MAP4K4: variants seen among roughly 807,000 people sequenced by gnomAD.
MAP4K4 encodes HPK/GCK-like kinase HGK.
Under a neutral mutation model 189.6 loss-of-function variants are expected in MAP4K4, and 38 were observed. The observed-to-expected ratio is 0.20, with a 90% CI of 0.15 to 0.26. The LOEUF (loss-of-function observed/expected upper bound fraction) is 0.26. Among genes scored for constraint, MAP4K4 ranks in the 10% least tolerant of loss-of-function variants. The pLI is 1.00. For synonymous variants in MAP4K4, 610 were observed against 624.3 expected, an observed-to-expected ratio of 0.98 and a Z score of 0.34; for missense variants, 1,054 against 1,726.9, an observed-to-expected ratio of 0.61 and a Z score of 6.91.
At chr2:101,863,488 A>G (rs906660873) in intron 16 of MAP4K4, among the ~76,000 whole-genome samples, 1 of 152,142 alleles carries the variant, frequency 6.6e-6, no homozygotes, top group African/African-American at 2.4e-5. Context: ...ATGGATGTGC[A>G]TGCAACACAT....
At chr2:101,855,925 T>C in intron 12 of MAP4K4, 52 bp from the exon 13 acceptor site, 1 of 1,517,864 alleles carries the variant, frequency 6.6e-7, no homozygotes, top group Non-Finnish European at 8.9e-7. Context: ...TATAACATCA[T>C]GAGAAAGATG....
intron 2 of MAP4K4, among the ~76,000 whole-genome samples, chr2:101,713,165 C>T (rs2046537490): frequency 1.3e-5 from 2 of 151,966 alleles, no homozygotes; most frequent in Non-Finnish European, 2.9e-5. Flanking sequence ...TCCTCGGCCT[C>T]CCAAAGTGCT....
chr2:101,884,686 G>GACC (rs2098456547), intron 28 of MAP4K4, among the ~76,000 whole-genome samples: 1 of 152,180 alleles, frequency 6.6e-6, no homozygotes, highest in African/African-American at 2.4e-5. Flanking sequence ...TGGTCTTAGT[G>GACC]ATACTTGGAC....
chr2:101,790,834 C>A, intron 3 of MAP4K4, 58 bp downstream of exon 3: 1 of 1,360,460 alleles, frequency 7.4e-7, no homozygotes, highest in Non-Finnish European at 1.0e-6. Context: ...AAGATTCCCC[C>A]AACAACACAG....
At chr2:101,728,943 A>G (rs1056279607) in intron 2 of MAP4K4, among the ~76,000 whole-genome samples, 7 of 152,238 alleles carry the variant, frequency 4.6e-5, no homozygotes, top group Admixed American at 2.0e-4. Flanking sequence ...AATAAAATCA[A>G]TCTGTTGACA....
intron 2 of MAP4K4, among the ~76,000 whole-genome samples, chr2:101,788,976 A>G (rs1246572046): frequency 6.6e-6 from 1 of 152,190 alleles, no homozygotes; most frequent in African/African-American, 2.4e-5. Flanking sequence ...ACCCTATCAG[A>G]TACTCAGAAG....
At chr2:101,892,031 A>G (rs1559367094) in exon 33 of MAP4K4, 2 of 152,276 alleles carry the variant, frequency 1.3e-5, no homozygotes, top group South Asian at 2.1e-4. Context: ...AAAAAAAAGA[A>G]AAAGAAAACG....
chr2:101,876,001 C>T (rs77629542), intron 26 of MAP4K4, among the ~76,000 whole-genome samples: 5,194 of 152,232 alleles, frequency 0.034, 297 homozygotes, highest in African/African-American at 0.11. Flanking sequence ...GGTCTCTATC[C>T]GTCACTTAAA....
chr2:101,836,382 C>G (rs1377955997), intron 9 of MAP4K4, among the ~76,000 whole-genome samples: 1 of 152,104 alleles, frequency 6.6e-6, no homozygotes, highest in Admixed American at 6.5e-5. Context: ...GTCAGGAGTT[C>G]AAGACCAGCC....
intron 12 of MAP4K4, 95 bp from the exon 13 acceptor site, chr2:101,855,882 T>C (rs1213322192): frequency 1.2e-5 from 15 of 1,239,994 alleles, no homozygotes; most frequent in Non-Finnish European, 1.5e-5. Context: ...CTCACCTCAT[T>C]AGTGTCCACC....
intron 3 of MAP4K4, among the ~76,000 whole-genome samples, chr2:101,810,784 G>T (rs536141103): frequency 6.6e-6 from 1 of 152,168 alleles, no homozygotes; most frequent in South Asian, 2.1e-4. Flanking sequence ...CCCATTCTGT[G>T]TCTATTTTTA....
At chr2:101,867,830 C>CT (rs755074586) in intron 20 of MAP4K4, 199 bp from the exon 21 acceptor site, 1 of 567,056 alleles carries the variant, frequency 1.8e-6, no homozygotes, top group Non-Finnish European at 3.1e-6. Context: ...TCACCCTTCT[C>CT]TTTTAATCCC....
chr2:101,871,704 C>G lies in MAP4K4; in HGVS notation c.2952+19C>G. The G allele has an allele frequency of 6.5e-7, 1 of 1,532,852 alleles. No homozygotes were observed. Among genetic ancestry groups the G allele is most frequent in the Non-Finnish European group, 8.7e-7 (1 of 1,144,360 alleles). 95.0% of individuals were successfully genotyped at this position (1,532,852 alleles called of 1,614,324 possible). ...TAATGAGGTATGTCTCGCACCACAG[C>G]TGGCTGCTTTCCTGGGGTTAGACCA... On this transcript the variant is annotated intron_variant, in intron 24 of 32. Transcript: ENST00000324219.
In MAP4K4 at chr2:101,863,694, A is replaced by T; in HGVS notation, c.1867-127A>T. 5.9e-6 allele frequency: 3 copies of T among 510,506 alleles called. 1 individual carries two copies. The highest frequency in any genetic ancestry group is 4.8e-5 in the South Asian group (3 of 62,236). The allele number at this position is 510,506 out of a possible 1,614,324, so 31.6% of individuals were successfully genotyped here. On this transcript the variant is annotated intron_variant, in intron 16 of 32. Coordinates refer to ENST00000324219, the Ensembl canonical transcript of MAP4K4. ...GTGTAACTGTTTCACTGCGTGGCTG[A>T]CCTAACACTGTACCACCCCGGTGTG...
intron 2 of MAP4K4, among the ~76,000 whole-genome samples, chr2:101,785,198 C>T (rs1039021258): frequency 1.3e-5 from 2 of 152,138 alleles, no homozygotes; most frequent in African/African-American, 2.4e-5. Flanking sequence ...CATAAATTTT[C>T]CTTCTCTCCT....
intron 2 of MAP4K4, among the ~76,000 whole-genome samples, chr2:101,704,779 C>A (rs1008110398): frequency 1.3e-5 from 2 of 150,868 alleles, no homozygotes; most frequent in African/African-American, 4.9e-5. Context: ...AGGCTGGTCT[C>A]GAACTCGAGT....
intron 2 of MAP4K4, among the ~76,000 whole-genome samples, chr2:101,737,453 ATATATATATTTTTTTTT>A (rs2060800160): frequency 2.5e-5 from 1 of 39,584 alleles, no homozygotes; most frequent in Non-Finnish European, 4.0e-5. Flanking sequence ...ATATATATAT[ATATATATATTTTTTTTT>A]TTTTTTTTTT....
chr2:101,829,807 C>T (rs2096536780), intron 6 of MAP4K4: 1 of 476,888 alleles, frequency 2.1e-6, no homozygotes, highest in Non-Finnish European at 3.9e-6. Flanking sequence ...GTTCTCTATA[C>T]AGCAGCCAGA....
At chr2:101,876,972 A>C (rs566540569) in intron 26 of MAP4K4, 31 bp from the exon 27 acceptor site, 1 of 1,612,498 alleles carries the variant, frequency 6.2e-7, no homozygotes, top group East Asian at 2.2e-5. Context: ...GCACAGCATA[A>C]AATTGAGGCC....
Sources: allele counts gnomAD v4.1 joint callset (sites outside exome capture counted in the v4.1 genomes callset), GRCh38; gene constraint gnomAD v4.1.1; transcripts MANE v1.5; gene names NCBI Gene and HGNC (gene_info 2026-07-23, HGNC 2026-07-21).